C2orf92: variants seen among roughly 807,000 people sequenced by gnomAD.
The protein encoded by C2orf92 is chromosome 2 open reading frame 92, also known as uncharacterized protein C2orf92.
intron 2 of C2orf92, among the ~76,000 whole-genome samples, chr2:97,674,898 T>C (rs1414344756): frequency 6.6e-6 from 1 of 152,198 alleles, no homozygotes; most frequent in Non-Finnish European, 1.5e-5. Flanking sequence ...ATGAGAAGTG[T>C]AATCACTTTC....
chr2:97,673,093 T>A (rs1171506638), intron 1 of C2orf92, among the ~76,000 whole-genome samples: 3 of 152,220 alleles, frequency 2.0e-5, no homozygotes, highest in Admixed American at 2.0e-4. Flanking sequence ...GCTTATAGAA[T>A]CTATTCTGCT....
At chr2:97,688,468 A>T (rs889724742) in intron 3 of C2orf92, among the ~76,000 whole-genome samples, 3 of 152,170 alleles carry the variant, frequency 2.0e-5, no homozygotes, top group African/African-American at 7.2e-5. Flanking sequence ...ACCCTCATGA[A>T]TTAGCAACAG....
At chr2:97,677,298 G>A (rs887805499) in intron 3 of C2orf92, 2 of 152,156 alleles carry the variant, frequency 1.3e-5, no homozygotes, top group African/African-American at 4.8e-5. Context: ...ACTGACAGTT[G>A]TTTTAACTGG....
Position 97,694,803 on chromosome 2 carries a change from C to G in C2orf92, c.404-4223C>G, listed in dbSNP as rs57216447. Among the ~76,000 whole-genome samples the G allele has an allele frequency of 3.5e-3, 540 of 152,190 alleles. 6 individuals carry two copies. The highest frequency in any genetic ancestry group is 0.012 in the African/African-American group (513 of 41,514). Reference sequence around the variant, plus strand: ...TTTTGGTTTTAATTTTCTGAGGAAACGCCATGCTGTTTCCCATCATGGCGG... The same window carrying G: ...TTTTGGTTTTAATTTTCTGAGGAAAGGCCATGCTGTTTCCCATCATGGCGG... On this transcript the variant is annotated intron_variant, in intron 5 of 7. Coordinates refer to ENST00000627399, the MANE Select transcript of C2orf92 (RefSeq NM_001351368.2).
chr2:97,664,066 A>C, upstream of C2orf92: 1 of 298,432 alleles, frequency 3.4e-6, no homozygotes. Context: ...CCGGCGGCCA[A>C]TCATCGCTCC....
chr2:97,692,458 G>A (rs1296471495), intron 5 of C2orf92, among the ~76,000 whole-genome samples: 1 of 140,606 alleles, frequency 7.1e-6, no homozygotes, highest in African/African-American at 2.7e-5. Context: ...TGCCCAGGCT[G>A]GAGTGCAGTG....
At chr2:97,702,498 G>A (rs2104614306) in intron 7 of C2orf92, among the ~76,000 whole-genome samples, 171 bp from the exon 8 acceptor site, 1 of 152,256 alleles carries the variant, frequency 6.6e-6, no homozygotes, top group African/African-American at 2.4e-5. Flanking sequence ...GAGTATCCCA[G>A]AGGCTCTGTG....
chr2:97,685,842 T>C (rs1675943763), intron 3 of C2orf92, among the ~76,000 whole-genome samples: 1 of 152,038 alleles, frequency 6.6e-6, no homozygotes, highest in South Asian at 2.1e-4. Flanking sequence ...GGATTACAGG[T>C]GTGAGCCACC....
chr2:97,691,397 C>G (rs947337755), intron 5 of C2orf92, among the ~76,000 whole-genome samples: 1 of 152,088 alleles, frequency 6.6e-6, no homozygotes, highest in Non-Finnish European at 1.5e-5. Flanking sequence ...GGTGCTGCCC[C>G]GGAGGAATTC....
At chr2:97,690,067 G>A (rs975971648) in intron 4 of C2orf92, among the ~76,000 whole-genome samples, 189 bp from the exon 5 acceptor site, 9 of 152,036 alleles carry the variant, frequency 5.9e-5, no homozygotes, top group East Asian at 5.8e-4. Context: ...GGAGGCGGAG[G>A]TTGCCGTGAG....
chr2:97,674,356 C>T, intron 1 of C2orf92, 100 bp from the exon 2 acceptor site: 1 of 396,992 alleles, frequency 2.5e-6, no homozygotes, highest in Non-Finnish European at 4.4e-6. Context: ...TGTCCAATAT[C>T]CATTGAGTTT....
intron 5 of C2orf92, among the ~76,000 whole-genome samples, chr2:97,698,405 G>T (rs968659256): frequency 2.0e-5 from 3 of 152,114 alleles, no homozygotes; most frequent in Admixed American, 1.3e-4. Context: ...TCTCATTTTC[G>T]ACTGTCTTCT....
At chr2:97,665,943 A>AATTTTTTTGT (rs1394744377), upstream of C2orf92, 1 of 151,352 alleles carries the variant, frequency 6.6e-6, no homozygotes, top group African/African-American at 2.4e-5. Flanking sequence ...ACGCCCAGGT[A>AATTTTTTTGT]ATTTTTTTGT....
At chr2:97,679,903 C>A (rs889681444) in intron 3 of C2orf92, among the ~76,000 whole-genome samples, 3 of 149,494 alleles carry the variant, frequency 2.0e-5, no homozygotes, top group Middle Eastern at 3.6e-3. Context: ...TATAAAGAAC[C>A]AACTTTTAAA....
upstream of C2orf92, chr2:97,667,827 T>G (rs1675285377): frequency 6.6e-6 from 1 of 152,186 alleles, no homozygotes; most frequent in Admixed American, 6.5e-5. Context: ...CCATACTTAT[T>G]CCCATTGTAA....
chr2:97,686,867 A>T (rs1675980929), intron 3 of C2orf92, among the ~76,000 whole-genome samples: 1 of 152,102 alleles, frequency 6.6e-6, no homozygotes, highest in Non-Finnish European at 1.5e-5. Context: ...ATTAAAAAAA[A>T]ATTAGCTGGG....
intron 1 of C2orf92, chr2:97,671,526 C>G: frequency 2.5e-6 from 1 of 398,628 alleles, no homozygotes; most frequent in Non-Finnish European, 4.4e-6. Flanking sequence ...CCTGTGGAAC[C>G]TCAGGCTGGA....
rs371835682 is a variant in C2orf92, at chr2:97,702,896, G to A, written c.*95G>A. On this transcript the variant is annotated 3_prime_UTR_variant, in exon 8 of 8. Coordinates refer to ENST00000627399, the MANE Select transcript of C2orf92 (RefSeq NM_001351368.2). ...CAGGGAGGCAATTCCATTTCTGCCC[G>A]GGAGGTGTATTCTACAAAAACGTCT... 1.8e-5 allele frequency: 7 copies of A among 397,534 alleles called. No individual in the cohort carries two copies. Among genetic ancestry groups the A allele is most frequent in the South Asian group, 1.4e-4 (1 of 7,386 alleles). 24.6% of individuals were successfully genotyped at this position (397,534 alleles called of 1,614,324 possible).
chr2:97,669,954 A>G (rs1447468654), intron 1 of C2orf92, 120 bp downstream of exon 1: 1 of 396,886 alleles, frequency 2.5e-6, no homozygotes, highest in Non-Finnish European at 4.4e-6. Flanking sequence ...TCTACCTTCT[A>G]TACCTCCCCA....
Sources: allele counts gnomAD v4.1 joint callset (sites outside exome capture counted in the v4.1 genomes callset), GRCh38; gene constraint gnomAD v4.1.1; transcripts MANE v1.5; gene names NCBI Gene and HGNC (gene_info 2026-07-23, HGNC 2026-07-21).